CNTN5: variants seen among roughly 807,000 people sequenced by gnomAD.
The protein encoded by CNTN5 is contactin 5, also known as contactin-5.
A neutral mutation model predicts 129.1 loss-of-function variants in CNTN5; 77 were observed. That is an observed-to-expected ratio of 0.60 (90% CI 0.50 to 0.72). CNTN5 has a LOEUF of 0.72. Among genes scored for constraint, CNTN5 ranks in the 30% least tolerant of loss-of-function variants. The pLI, the probability that CNTN5 is intolerant of heterozygous loss-of-function variation, is 0.00. For missense variants in CNTN5, 1,478 were observed against 1,328.8 expected, an observed-to-expected ratio of 1.11 and a Z score of -1.75; for synonymous variants, 509 against 465.6, an observed-to-expected ratio of 1.09 and a Z score of -1.20.
chr11:99,847,237 T>G (rs1947728977), intron 6 of CNTN5, among the ~76,000 whole-genome samples: 1 of 152,226 alleles, frequency 6.6e-6, no homozygotes, highest in South Asian at 2.1e-4. Context: ...GAAAGCTATT[T>G]ATTTTACATA....
At position 100,061,524 on chromosome 11, in the gene CNTN5, G is replaced by A. The variant is rs1012287781; in HGVS notation, c.1162+131G>A. 5.6e-5 allele frequency: 35 copies of A among 625,844 alleles called. No homozygotes were observed. The Admixed American group carries it at 8.6e-4, about 15-fold the overall frequency. 38.8% of individuals were successfully genotyped at this position (625,844 alleles called of 1,614,324 possible). On this transcript the variant is annotated intron_variant, in intron 10 of 24. Coordinates refer to ENST00000524871, the MANE Select transcript of CNTN5 (RefSeq NM_014361.4). ...AATAATTTATAATCATACTTCATTC[G>A]TATGGTAAGGCATCATGTCAAATTA...
intron 3 of CNTN5, among the ~76,000 whole-genome samples, chr11:99,586,619 C>T (rs1282415406): frequency 1.3e-5 from 2 of 152,084 alleles, no homozygotes; most frequent in African/African-American, 4.8e-5. Context: ...AGTTATTTTT[C>T]TTATTAATAT....
intron 13 of CNTN5, among the ~76,000 whole-genome samples, chr11:100,075,009 CTCT>C (rs1379509724): frequency 6.6e-6 from 1 of 151,932 alleles, no homozygotes; most frequent in Non-Finnish European, 1.5e-5. Flanking sequence ...AAATAGTATC[CTCT>C]ATTATGTCAA....
At chr11:99,524,505 T>C (rs1367515254) in intron 2 of CNTN5, among the ~76,000 whole-genome samples, 1 of 152,116 alleles carries the variant, frequency 6.6e-6, no homozygotes, top group East Asian at 1.9e-4. Context: ...AATACGTGTG[T>C]CAATGAAATA....
chr11:99,576,828 T>A (rs1329329898), intron 3 of CNTN5, among the ~76,000 whole-genome samples: 1 of 152,116 alleles, frequency 6.6e-6, no homozygotes, highest in Non-Finnish European at 1.5e-5. Context: ...AGGGTACTAA[T>A]CCTATTCTTA....
chr11:99,607,373 G>A (rs1950454887), intron 3 of CNTN5, among the ~76,000 whole-genome samples: 2 of 148,380 alleles, frequency 1.3e-5, no homozygotes, highest in African/African-American at 2.5e-5. Context: ...GGCCATCAGA[G>A]AAATGCAAAT....
intron 8 of CNTN5, among the ~76,000 whole-genome samples, chr11:99,984,966 C>T (rs143186623): frequency 1.8e-4 from 27 of 152,274 alleles, no homozygotes; most frequent in African/African-American, 6.5e-4. Flanking sequence ...GCCACTGCTC[C>T]AGGTGCTGGC....
intron 3 of CNTN5, among the ~76,000 whole-genome samples, chr11:99,711,494 T>A (rs950720120): frequency 1.3e-5 from 2 of 151,962 alleles, no homozygotes; most frequent in South Asian, 2.1e-4. Flanking sequence ...CAGTTTTTTT[T>A]ATTATACTTT....
At chr11:99,717,517 G>T (rs536129751) in intron 3 of CNTN5, among the ~76,000 whole-genome samples, 1 of 151,966 alleles carries the variant, frequency 6.6e-6, no homozygotes, top group Non-Finnish European at 1.5e-5. Context: ...GGATGGGGAA[G>T]AGATGTGTTT....
At chr11:100,078,621 C>G (rs1303730632) in intron 13 of CNTN5, among the ~76,000 whole-genome samples, 1 of 152,070 alleles carries the variant, frequency 6.6e-6, no homozygotes, top group African/African-American at 2.4e-5. Flanking sequence ...TCTGCTTATC[C>G]TGCAGATTAT....
intron 3 of CNTN5, among the ~76,000 whole-genome samples, chr11:99,613,130 A>G (rs1950641091): frequency 6.6e-6 from 1 of 152,204 alleles, no homozygotes; most frequent in Admixed American, 6.5e-5. Context: ...AAGCCAAAGG[A>G]GGATGATATG....
chr11:100,186,236 G>C (rs1948298656), intron 13 of CNTN5, among the ~76,000 whole-genome samples: 1 of 152,042 alleles, frequency 6.6e-6, no homozygotes. Flanking sequence ...GCCAGGCATG[G>C]TGGTGCATGC....
At chr11:99,682,307 A>G (rs891604615) in intron 3 of CNTN5, among the ~76,000 whole-genome samples, 2 of 151,376 alleles carry the variant, frequency 1.3e-5, no homozygotes, top group Non-Finnish European at 2.9e-5. Flanking sequence ...TGAAAAGAGA[A>G]GAGAGATAAG....
At chr11:100,074,791 G>A (rs1269082109) in intron 13 of CNTN5, among the ~76,000 whole-genome samples, 2 of 152,078 alleles carry the variant, frequency 1.3e-5, no homozygotes, top group Non-Finnish European at 2.9e-5. Flanking sequence ...AGTGCCATAG[G>A]CAAATGAGAA....
chr11:100,310,128 CAAG>C (rs1951442794), intron 21 of CNTN5, among the ~76,000 whole-genome samples: 1 of 151,940 alleles, frequency 6.6e-6, no homozygotes, highest in African/African-American at 2.4e-5. Context: ...ATCCCTATCT[CAAG>C]CTCTGCTTTT....
At chr11:99,506,016 T>G (rs1352070484) in intron 2 of CNTN5, among the ~76,000 whole-genome samples, 1 of 152,226 alleles carries the variant, frequency 6.6e-6, no homozygotes, top group Non-Finnish European at 1.5e-5. Context: ...GCTTCCACAT[T>G]TGAGCTGCCT....
intron 1 of CNTN5, among the ~76,000 whole-genome samples, chr11:99,136,944 A>G (rs181742898): frequency 5.8e-4 from 89 of 152,300 alleles, no homozygotes; most frequent in African/African-American, 2.0e-3. Context: ...AATTTTAATG[A>G]GATACATTAC....
chr11:99,972,617 AGT>A (rs1363542318), intron 8 of CNTN5, among the ~76,000 whole-genome samples: 3 of 152,200 alleles, frequency 2.0e-5, no homozygotes, highest in Non-Finnish European at 4.4e-5. Flanking sequence ...TAGAGTGTTC[AGT>A]GACCTTGAAA....
chr11:99,724,492 T>C (rs1406128991), intron 3 of CNTN5, among the ~76,000 whole-genome samples: 1 of 152,212 alleles, frequency 6.6e-6, no homozygotes, highest in Non-Finnish European at 1.5e-5. Context: ...TGCCAAACAT[T>C]GTTCTAAGCC....
Sources: allele counts gnomAD v4.1 joint callset (sites outside exome capture counted in the v4.1 genomes callset), GRCh38; gene constraint gnomAD v4.1.1; transcripts MANE v1.5; gene names NCBI Gene and HGNC (gene_info 2026-07-23, HGNC 2026-07-21).